The following SH2B3 variants were observed in gnomAD, a reference collection of about 807,000 sequenced individuals.
The protein encoded by SH2B3 is SH2B adaptor protein 3.
SH2B3 carries 43 observed loss-of-function variants against 51.9 expected under a neutral mutation model. The observed-to-expected ratio is 0.83, with a 90% CI of 0.65 to 1.07. The LOEUF (loss-of-function observed/expected upper bound fraction) is 1.07. Ranked by LOEUF, SH2B3 falls within the 50% of genes least tolerant of loss-of-function variation. The pLI is 0.00. For missense variants in SH2B3, 952 were observed against 834.3 expected (o/e 1.14, Z -1.74); for synonymous variants, 396 against 376.0 (o/e 1.05, Z -0.62).
intron 2 of SH2B3, among the ~76,000 whole-genome samples, chr12:111,431,717 G>T (rs1872509106): frequency 6.6e-6 from 1 of 152,046 alleles, no homozygotes; most frequent in Non-Finnish European, 1.5e-5. Context: ...CAAGTAGCTG[G>T]GACTATTTAA....
At chr12:111,411,203 CAAAA>C (rs397958520) in intron 1 of SH2B3, among the ~76,000 whole-genome samples, 2 of 99,546 alleles carry the variant, frequency 2.0e-5, no homozygotes, top group Non-Finnish European at 2.3e-5. Context: ...CTGTCTCTAC[CAAAA>C]AAAAAAAAAA....
chr12:111,421,138 GTTTTA>G (rs760472531), intron 2 of SH2B3, among the ~76,000 whole-genome samples: 6 of 151,982 alleles, frequency 3.9e-5, no homozygotes, highest in Non-Finnish European at 5.9e-5. Flanking sequence ...GGTTGCCTTT[GTTTTA>G]TTTTATTATT....
intron 1 of SH2B3, among the ~76,000 whole-genome samples, chr12:111,413,027 G>C (rs745623140): frequency 1.2e-4 from 19 of 152,162 alleles, no homozygotes; most frequent in South Asian, 4.1e-4. Flanking sequence ...CATCCAATAA[G>C]CATTCATTGG....
In SH2B3 at chr12:111,418,169, C is replaced by A; in HGVS notation, c.24C>A (p.Pro8=). Residue 8 remains proline, a synonymous_variant, in exon 2 of 8, where the codon CCC becomes CCA. Coordinates refer to ENST00000341259, the MANE Select transcript of SH2B3 (RefSeq NM_005475.3). This position sits in a 1 kb window ranked among gnomAD's most constrained non-coding sequence, Gnocchi z 6.7. ...CCATGAACGGGCCTGCCCTGCAGCCCTCCTCGCCCTCTTCCGCGCCCTCAG... is the reference window on the plus strand; with the variant it reads ...CCATGAACGGGCCTGCCCTGCAGCCATCCTCGCCCTCTTCCGCGCCCTCAG... MNGPALQ[P]SSPSSAPSAS... is the part of the protein sequence containing the mutation. The A allele has an allele frequency of 6.5e-7, 1 of 1,546,808 alleles. No homozygotes were observed. The highest frequency in any genetic ancestry group is 8.6e-7 in the Non-Finnish European group (1 of 1,160,370).
intron 2 of SH2B3, among the ~76,000 whole-genome samples, chr12:111,428,283 G>A (rs73199895): frequency 0.21 from 31,206 of 152,150 alleles, 3,321 homozygotes; most frequent in East Asian, 0.33. Context: ...GGGGCTGGGG[G>A]ATGCCTCAGG....
Position 111,418,295 on chromosome 12 carries a change from G to C in SH2B3, c.150G>C (p.Arg50=). 6.5e-7 allele frequency: 1 copy of C among 1,535,756 alleles called. No homozygotes were observed. The highest frequency in any genetic ancestry group is 8.7e-7 in the Non-Finnish European group (1 of 1,147,564). The change falls in exon 2 of 8, where the codon CGG becomes CGC. Residue 50 remains arginine (R), a synonymous_variant. Coordinates refer to ENST00000341259, the MANE Select transcript of SH2B3 (RefSeq NM_005475.3). This position sits in a 1 kb window ranked among gnomAD's most constrained non-coding sequence, Gnocchi z 6.7. ...ELARQYWLFA[R]EHPQHAPLRA... is the part of the protein sequence containing the mutation. ...CCCGCCAGTACTGGCTGTTCGCCCG[G>C]GAGCATCCGCAGCACGCGCCGCTGC...
chr12:111,438,085 G>A lies in SH2B3; in HGVS notation c.733-8668G>A, dbSNP rs914876218. On this transcript the variant is annotated intron_variant, in intron 2 of 7. Coordinates refer to ENST00000341259, the MANE Select transcript of SH2B3 (RefSeq NM_005475.3). This position sits in a 1 kb window ranked among gnomAD's most constrained non-coding sequence, Gnocchi z 4.2. ...AATCATGACTCAGTGGTCAGAGAAG[G>A]CTCCCTGGAGGAGAGGAGGTTTTCT... Among the ~76,000 whole-genome samples, 1 of 152,262 alleles carries A rather than the reference G, an allele frequency of 6.6e-6. No individual in the cohort carries two copies. The highest frequency in any genetic ancestry group is 1.5e-5 in the Non-Finnish European group (1 of 68,054).
intron 2 of SH2B3, among the ~76,000 whole-genome samples, chr12:111,433,283 G>A (rs1872623209): frequency 6.6e-6 from 1 of 152,126 alleles, no homozygotes; most frequent in Non-Finnish European, 1.5e-5. Flanking sequence ...CCCAGGAGGT[G>A]GAGGCTGCAG....
intron 2 of SH2B3, among the ~76,000 whole-genome samples, chr12:111,431,631 G>A (rs1872501331): frequency 6.6e-6 from 1 of 152,102 alleles, no homozygotes; most frequent in Non-Finnish European, 1.5e-5. Context: ...CCCCAGACTA[G>A]AGAGCAGTGG....
chr12:111,418,736 G>C lies in SH2B3; in HGVS notation c.591G>C (p.Lys197Asn). The C allele has an allele frequency of 6.7e-7, 1 of 1,485,704 alleles. No individual in the cohort carries two copies. The highest frequency in any genetic ancestry group is 8.9e-7 in the Non-Finnish European group (1 of 1,125,492). The allele number at this position is 1,485,704 out of a possible 1,614,324, so 92.0% of individuals were successfully genotyped here. ...GGGAGCCGCCACCCGAGGCGCTGAAGGAGGCGGTGCTGCGCTACAGCCTGG... is the reference window on the plus strand; with the variant it reads ...GGGAGCCGCCACCCGAGGCGCTGAACGAGGCGGTGCTGCGCTACAGCCTGG... ...LAREPPPEAL[K>N]EAVLRYSLAD... The change falls in exon 2 of 8, where the codon AAG becomes AAC. Residue 197 changes from lysine (K) to asparagine (N), a missense_variant. Physicochemically the swap from Lys to Asn is moderately conservative, Grantham distance 94 (BLOSUM62 0). Transcript: ENST00000341259. The surrounding 1 kb of genome is among the most constrained non-coding windows in gnomAD (Gnocchi z 6.7).
At chr12:111,437,570 G>C (rs1055690064) in intron 2 of SH2B3, among the ~76,000 whole-genome samples, 5 of 152,182 alleles carry the variant, frequency 3.3e-5, no homozygotes, top group African/African-American at 1.2e-4. Context: ...TTACAGGTGA[G>C]GAAACTGAAG....
chr12:111,422,507 C>T (rs533360404), intron 2 of SH2B3, among the ~76,000 whole-genome samples: 3 of 150,848 alleles, frequency 2.0e-5, no homozygotes, highest in South Asian at 2.1e-4. Context: ...AATTTCTTTG[C>T]GTTTTAAAAG....
rs755391338 is a variant in SH2B3 at position 111,435,498 on chromosome 12, C to A, written c.733-11255C>A. Reference sequence around the variant, plus strand: ...GCCTCAGCCTCCTGAGTAGCTGGGACTACACATGCACCACCACGCCTGGCT... The same window carrying A: ...GCCTCAGCCTCCTGAGTAGCTGGGAATACACATGCACCACCACGCCTGGCT... On this transcript the variant is annotated intron_variant, in intron 2 of 7. Transcript: ENST00000341259. This position sits in a 1 kb window ranked among gnomAD's most constrained non-coding sequence, Gnocchi z 4.8. Among the ~76,000 whole-genome samples the A allele has an allele frequency of 1.6e-4, 24 of 152,318 alleles. No homozygotes were observed. Among genetic ancestry groups the A allele is most frequent in the Non-Finnish European group, 3.2e-4 (22 of 68,030 alleles).
At chr12:111,445,840 T>C (rs1197407132) in intron 2 of SH2B3, among the ~76,000 whole-genome samples, 2 of 152,250 alleles carry the variant, frequency 1.3e-5, no homozygotes, top group East Asian at 3.9e-4. Context: ...AGGTTAAGCA[T>C]CTGGTTTTGG....
chr12:111,423,259 A>C (rs1390276651), intron 2 of SH2B3, among the ~76,000 whole-genome samples: 1 of 152,218 alleles, frequency 6.6e-6, no homozygotes, highest in Non-Finnish European at 1.5e-5. Context: ...CACAGATAAA[A>C]AACGGTTTTC....
rs1205648088 is a variant in SH2B3, at chr12:111,409,468, C to T, written c.-28+3191C>T. On this transcript the variant is annotated intron_variant, in intron 1 of 7. Transcript: ENST00000341259. The surrounding 1 kb of genome is among the most constrained non-coding windows in gnomAD (Gnocchi z 4.0). Reference sequence around the variant, plus strand: ...TTTGACGAGGCAGGGCAGGAAGCCGCTGCCGTCTGGCAGACCGGAGACGCC... The same window carrying T: ...TTTGACGAGGCAGGGCAGGAAGCCGTTGCCGTCTGGCAGACCGGAGACGCC... Among the ~76,000 whole-genome samples the T allele has an allele frequency of 3.9e-5, 6 of 152,334 alleles. No homozygotes were observed. In the East Asian group the frequency reaches 1.2e-3, roughly 29 times the overall value.
intron 2 of SH2B3, among the ~76,000 whole-genome samples, chr12:111,432,795 A>G (rs1195705924): frequency 6.6e-6 from 1 of 152,204 alleles, no homozygotes; most frequent in Non-Finnish European, 1.5e-5. Context: ...TCCTTCACTT[A>G]GCATCATGTT....
rs534169793 is a variant in SH2B3, at chr12:111,421,353, A to G, written c.732+2476A>G. 2.8e-5 allele frequency among the ~76,000 whole-genome samples: 4 copies of G among 143,064 alleles called. No individual in the cohort carries two copies. In the South Asian group the frequency reaches 8.8e-4, roughly 32 times the overall value. The allele number at this position is 143,064 out of a possible 152,430, so 93.9% of individuals were successfully genotyped here. A position where few individuals can be genotyped will look rare whatever the true frequency, so the allele number is the denominator to read the frequency against. On this transcript the variant is annotated intron_variant, in intron 2 of 7. Coordinates refer to ENST00000341259, the MANE Select transcript of SH2B3 (RefSeq NM_005475.3). ...TTTCTGGCTCCTTTTGCCCAGCATA[A>G]TGTTTTAGAGATTGATCACATTGAT...
rs757747831 is a variant in SH2B3 at position 111,447,313 on chromosome 12, C to A, written c.1022-17C>A. ...AGGTAGCCCCCTGCGACCACCATCA[C>A]CCATCTTATCTAACAGGTGCTTCTC... is the stretch of plus-strand genomic sequence containing the variant. On this transcript the variant is annotated splice_polypyrimidine_tract_variant and intron_variant, in intron 5 of 7. Transcript: ENST00000341259. 171 of 1,608,220 alleles carry A rather than the reference C, an allele frequency of 1.1e-4. No homozygotes were observed. Among genetic ancestry groups the A allele is most frequent in the Non-Finnish European group, 8.4e-5 (99 of 1,174,854 alleles).
Sources: gnomAD v4.1 joint callset for allele counts (sites outside exome capture counted in the v4.1 genomes callset) on GRCh38, gnomAD v4.1.1 for gene constraint, Gnocchi (gnomAD v3.1) non-coding constraint, MANE v1.5 for transcripts, NCBI Gene and HGNC (gene_info 2026-07-23, HGNC 2026-07-21) for gene names.